RCOR1: variants seen among roughly 807,000 people sequenced by gnomAD.
RCOR1 encodes REST corepressor 1.
A neutral mutation model predicts 64.0 loss-of-function variants in RCOR1; 12 were observed. That is an observed-to-expected ratio of 0.19 (90% CI 0.12 to 0.30). The LOEUF is 0.30. Ranked by LOEUF, RCOR1 falls within the 10% of genes least tolerant of loss-of-function variation. RCOR1 has a pLI of 1.00. For missense variants in RCOR1, 502 were observed against 621.2 expected, an observed-to-expected ratio of 0.81 and a Z score of 2.04; for synonymous variants, 279 against 227.2, an observed-to-expected ratio of 1.23 and a Z score of -2.05.
chr14:102,658,545 A>G, intron 2 of RCOR1: 1 of 985,412 alleles, frequency 1.0e-6, no homozygotes, highest in Non-Finnish European at 1.2e-6. Context: ...AGTTTTTAGA[A>G]TGTGACTCTT....
intron 2 of RCOR1, among the ~76,000 whole-genome samples, chr14:102,646,821 G>C (rs1894485622): frequency 6.6e-6 from 1 of 152,208 alleles, no homozygotes; most frequent in Non-Finnish European, 1.5e-5. Flanking sequence ...AGATGGTTGT[G>C]TGCACACACG....
chr14:102,642,819 A>G (rs2139922472), intron 2 of RCOR1, among the ~76,000 whole-genome samples: 1 of 152,150 alleles, frequency 6.6e-6, no homozygotes, highest in Non-Finnish European at 1.5e-5. Context: ...CCTAGGTGAC[A>G]GAGTGAGACC....
In RCOR1 at chr14:102,721,394, C is replaced by G; in HGVS notation, c.1189+17C>G. The G allele has an allele frequency of 1.2e-6, 2 of 1,606,820 alleles. No homozygotes were observed. The highest frequency in any genetic ancestry group is 1.7e-6 in the Non-Finnish European group (2 of 1,173,574). On this transcript the variant is annotated intron_variant, in intron 10 of 11. Coordinates refer to ENST00000262241, the MANE Select transcript of RCOR1 (RefSeq NM_015156.4). The stretch of plus-strand genomic sequence containing the variant: ...CCGTACAAGGTAGGGGGAAGTTCTT[C>G]TAAAGAGTTTAGGAGGCCGGCTGTG...
At chr14:102,613,699 C>T (rs1456309757) in intron 2 of RCOR1, among the ~76,000 whole-genome samples, 2 of 150,852 alleles carry the variant, frequency 1.3e-5, no homozygotes, top group African/African-American at 4.9e-5. Flanking sequence ...GGATTACAGG[C>T]ATGAGCCACC....
chr14:102,701,381 CTAAA>C (rs1243285587), intron 4 of RCOR1, 51 bp downstream of exon 4: 44 of 1,347,580 alleles, frequency 3.3e-5, no homozygotes, highest in Non-Finnish European at 4.2e-5. Context: ...GTATTTGTAA[CTAAA>C]TAATTATATT....
At chr14:102,595,644 A>T (rs889133737) in intron 2 of RCOR1, among the ~76,000 whole-genome samples, 18 of 146,124 alleles carry the variant, frequency 1.2e-4, no homozygotes, top group African/African-American at 4.6e-4. Context: ...CAGTGGTGTG[A>T]TCTCAGCTCA....
chr14:102,594,422 C>T (rs577891594), intron 2 of RCOR1, among the ~76,000 whole-genome samples: 2 of 152,174 alleles, frequency 1.3e-5, no homozygotes, highest in South Asian at 2.1e-4. Context: ...TGATCTAGTC[C>T]TTGAAAAAGG....
chr14:102,718,220 A>G (rs1393991013), intron 8 of RCOR1, among the ~76,000 whole-genome samples: 3 of 152,002 alleles, frequency 2.0e-5, no homozygotes, highest in Admixed American at 6.6e-5. Context: ...TTGTTGCCTC[A>G]TGTTGGAAGC....
chr14:102,685,062 T>TTG (rs56684051), intron 3 of RCOR1, among the ~76,000 whole-genome samples: 44,931 of 150,408 alleles, frequency 0.3, 6,790 homozygotes, highest in East Asian at 0.38. Context: ...CTGGCTTTTC[T>TTG]TGTGTGTGTG....
intron 2 of RCOR1, among the ~76,000 whole-genome samples, chr14:102,634,795 C>T (rs1280625200): frequency 4.0e-5 from 6 of 151,766 alleles, no homozygotes; most frequent in African/African-American, 1.2e-4. Context: ...CTCCCAGGTT[C>T]AAGTGATTCT....
chr14:102,665,338 A>G (rs1894898920), intron 2 of RCOR1, among the ~76,000 whole-genome samples: 1 of 150,464 alleles, frequency 6.6e-6, no homozygotes, highest in African/African-American at 2.5e-5. Context: ...TTTAAATAAA[A>G]TAGGCTTTGT....
chr14:102,697,018 G>T (rs1273812124), intron 3 of RCOR1, among the ~76,000 whole-genome samples: 5 of 151,984 alleles, frequency 3.3e-5, no homozygotes, highest in Non-Finnish European at 5.9e-5. Flanking sequence ...TAGCATCAGG[G>T]ATTCTGAAAA....
chr14:102,711,010 G>C lies in RCOR1; in HGVS notation c.855G>C (p.Lys285Asn). ...IEVDQNKESKKEVPPTETVPQ... is the reference protein window; with the variant it reads ...IEVDQNKESKNEVPPTETVPQ... ...TTGATCAAAACAAGGAAAGCAAAAA[G>C]GAGGTATTTTTTCCCCCTAGTATTG... Residue 285 changes from lysine (K) to asparagine (N), a missense_variant, in exon 7 of 12, where the codon AAG becomes AAC. Transcript: ENST00000262241. 6.3e-7 allele frequency: 1 copy of C among 1,597,784 alleles called. No individual in the cohort carries two copies. The highest frequency in any genetic ancestry group is 1.1e-5 in the South Asian group (1 of 87,344).
intron 4 of RCOR1, among the ~76,000 whole-genome samples, chr14:102,705,142 A>AG (rs1021480701): frequency 6.6e-6 from 1 of 151,690 alleles, no homozygotes; most frequent in African/African-American, 2.4e-5. Context: ...AAAAAAAAAG[A>AG]GGGGGGAAAG....
chr14:102,612,355 C>T (rs901969598), intron 2 of RCOR1, among the ~76,000 whole-genome samples: 1 of 151,948 alleles, frequency 6.6e-6, no homozygotes, highest in Non-Finnish European at 1.5e-5. Context: ...AGGTGCGCGC[C>T]ACCACGCCCG....
intron 2 of RCOR1, chr14:102,630,131 A>G (rs1023436576): frequency 3.3e-6 from 1 of 307,104 alleles, no homozygotes. Context: ...TGTTTGTGCC[A>G]TGGGGCTGGA....
chr14:102,712,748 A>T (rs1396863885), intron 7 of RCOR1, among the ~76,000 whole-genome samples: 1 of 151,018 alleles, frequency 6.6e-6, no homozygotes, highest in Non-Finnish European at 1.5e-5. Flanking sequence ...CCCAAATAAG[A>T]TCCTGAGGGT....
At chr14:102,600,542 C>A (rs531849933) in intron 2 of RCOR1, among the ~76,000 whole-genome samples, 2 of 151,490 alleles carry the variant, frequency 1.3e-5, no homozygotes, top group Non-Finnish European at 2.9e-5. Context: ...GCTAGGACTA[C>A]AGGTGTGTGC....
At chr14:102,665,646 C>T (rs1894904015) in intron 2 of RCOR1, among the ~76,000 whole-genome samples, 1 of 152,160 alleles carries the variant, frequency 6.6e-6, no homozygotes. Context: ...CGTCATCACT[C>T]AATAACAAAG....
Sources: allele counts gnomAD v4.1 joint callset (sites outside exome capture counted in the v4.1 genomes callset), GRCh38; gene constraint gnomAD v4.1.1; transcripts MANE v1.5; gene names NCBI Gene and HGNC (gene_info 2026-07-23, HGNC 2026-07-21).